DNAJC5B: variants seen among roughly 807,000 people sequenced by gnomAD.
The protein encoded by DNAJC5B is DnaJ heat shock protein family (Hsp40) member C5 beta.
A neutral mutation model predicts 24.7 loss-of-function variants in DNAJC5B; 23 were observed. The observed-to-expected ratio is 0.93, with a 90% CI of 0.67 to 1.32. The LOEUF is 1.32. DNAJC5B is among the 40% of genes most tolerant of loss of function. The pLI, the probability that DNAJC5B is intolerant of heterozygous loss-of-function variation, is 0.00. For synonymous variants in DNAJC5B, 101 were observed against 90.1 expected, an observed-to-expected ratio of 1.12 and a Z score of -0.68; for missense variants, 238 against 240.8, an observed-to-expected ratio of 0.99 and a Z score of 0.08.
At chr8:66,055,760 T>C (rs1284936046) in intron 3 of DNAJC5B, among the ~76,000 whole-genome samples, 1 of 152,046 alleles carries the variant, frequency 6.6e-6, no homozygotes, top group Admixed American at 6.5e-5. Context: ...CTGGCAAACA[T>C]GGGAAACCCC....
intron 2 of DNAJC5B, among the ~76,000 whole-genome samples, chr8:66,045,877 A>G (rs1008881742): frequency 6.6e-6 from 1 of 152,216 alleles, no homozygotes; most frequent in Non-Finnish European, 1.5e-5. Flanking sequence ...TGTGAAAAGC[A>G]TGAATGCTAA....
At chr8:66,071,352 A>C (rs893350948) in intron 3 of DNAJC5B, among the ~76,000 whole-genome samples, 1 of 152,204 alleles carries the variant, frequency 6.6e-6, no homozygotes, top group East Asian at 1.9e-4. Context: ...ACAAATTTAC[A>C]AGAAAAAAAC....
intron 1 of DNAJC5B, among the ~76,000 whole-genome samples, chr8:66,033,646 G>C (rs975027067): frequency 6.6e-6 from 1 of 151,804 alleles, no homozygotes; most frequent in Non-Finnish European, 1.5e-5. Context: ...GAACTGTCTT[G>C]TTTCAGCCTA....
In DNAJC5B at chr8:66,088,864, T is replaced by A. The variant is rs138647622; in HGVS notation, c.505+8316T>A. ...ATTTTGGTCAAAGCCATTCAACAAG[T>A]CTCTAGACAGTTCCAAACTTTCCCA... On this transcript the variant is annotated intron_variant, in intron 5 of 5. Coordinates refer to ENST00000276570, the MANE Select transcript of DNAJC5B (RefSeq NM_033105.6). Among the ~76,000 whole-genome samples the A allele has an allele frequency of 6.4e-3, 971 of 152,242 alleles. 4 individuals carry two copies. Among genetic ancestry groups the A allele is most frequent in the Non-Finnish European group, 0.011 (742 of 68,014 alleles).
intron 3 of DNAJC5B, among the ~76,000 whole-genome samples, chr8:66,070,825 A>C (rs1238652325): frequency 6.6e-6 from 1 of 152,218 alleles, no homozygotes; most frequent in Non-Finnish European, 1.5e-5. Context: ...CAGTAATCAA[A>C]ACAGCATGGT....
intron 5 of DNAJC5B, among the ~76,000 whole-genome samples, chr8:66,087,512 T>C (rs1054328593): frequency 2.6e-5 from 4 of 152,086 alleles, no homozygotes; most frequent in African/African-American, 9.7e-5. Flanking sequence ...CAGCATCAAC[T>C]CAAAAGTCCA....
chr8:66,035,847 C>A (rs1344816805), intron 1 of DNAJC5B, among the ~76,000 whole-genome samples: 1 of 152,190 alleles, frequency 6.6e-6, no homozygotes, highest in Non-Finnish European at 1.5e-5. Context: ...GGAAGGTCGA[C>A]TTTTACCTTT....
chr8:66,069,338 A>T (rs935666335), intron 3 of DNAJC5B, among the ~76,000 whole-genome samples: 1 of 152,140 alleles, frequency 6.6e-6, no homozygotes, highest in African/African-American at 2.4e-5. Context: ...AATATTTAAG[A>T]ATACAGAAAA....
chr8:66,095,398 GCT>G (rs1426847660), intron 5 of DNAJC5B, among the ~76,000 whole-genome samples: 1 of 149,098 alleles, frequency 6.7e-6, no homozygotes, highest in East Asian at 1.9e-4. Flanking sequence ...GGTCATTTCT[GCT>G]TTCTCTCTCT....
chr8:66,096,312 T>C (rs755890328), intron 5 of DNAJC5B, among the ~76,000 whole-genome samples: 1 of 152,172 alleles, frequency 6.6e-6, no homozygotes, highest in Non-Finnish European at 1.5e-5. Flanking sequence ...TTAAAGACCC[T>C]ATCTCCAAAT....
At chr8:66,038,647 T>C (rs890647515) in intron 1 of DNAJC5B, among the ~76,000 whole-genome samples, 4 of 152,238 alleles carry the variant, frequency 2.6e-5, no homozygotes, top group Admixed American at 6.5e-5. Flanking sequence ...ACTTTTGTCC[T>C]GAGCAGGGAA....
intron 3 of DNAJC5B, chr8:66,057,641 T>C (rs1806994880): frequency 6.6e-6 from 1 of 152,150 alleles, no homozygotes; most frequent in Admixed American, 6.5e-5. Flanking sequence ...TAATTAAATT[T>C]CTGAAAACTA....
intron 3 of DNAJC5B, among the ~76,000 whole-genome samples, chr8:66,074,627 CA>C (rs1400756732): frequency 2.6e-5 from 4 of 152,198 alleles, no homozygotes; most frequent in African/African-American, 9.7e-5. Flanking sequence ...GAAATGACAA[CA>C]AATGCCTTTA....
intron 2 of DNAJC5B, among the ~76,000 whole-genome samples, chr8:66,045,808 G>A (rs1806710368): frequency 6.6e-6 from 1 of 152,154 alleles, no homozygotes; most frequent in African/African-American, 2.4e-5. Context: ...CCTCACACAG[G>A]AAAAGATACT....
At chr8:66,032,470 C>A (rs1433874540) in intron 1 of DNAJC5B, among the ~76,000 whole-genome samples, 2 of 152,218 alleles carry the variant, frequency 1.3e-5, no homozygotes, top group African/African-American at 4.8e-5. Context: ...ATATTCACAA[C>A]ATTTCTGTTC....
chr8:66,061,589 TAGAG>T (rs565078426), intron 3 of DNAJC5B, among the ~76,000 whole-genome samples: 138 of 142,882 alleles, frequency 9.7e-4, no homozygotes, highest in Middle Eastern at 3.7e-3. Flanking sequence ...AAAGAATGGA[TAGAG>T]AGAGAGAGAG....
chr8:66,026,818 C>T (rs1489385712), intron 1 of DNAJC5B, among the ~76,000 whole-genome samples: 2 of 152,226 alleles, frequency 1.3e-5, no homozygotes, highest in Non-Finnish European at 2.9e-5. Context: ...GGAGTCAAGT[C>T]CTTGGCACAG....
At position 66,084,031 on chromosome 8, in the gene DNAJC5B, G is replaced by A. The variant is rs149329929; in HGVS notation, c.505+3483G>A. Among the ~76,000 whole-genome samples the A allele has an allele frequency of 2.1e-3, 314 of 152,252 alleles. 1 individual carries two copies. The highest frequency in any genetic ancestry group is 6.8e-3 in the Middle Eastern group (2 of 294). On this transcript the variant is annotated intron_variant, in intron 5 of 5. Transcript: ENST00000276570. ...TCCCTGAGCTGAAGTTTCATTAACTGTGCAGTAAATCCAGCACTGCTCTTG... is the reference window on the plus strand; with the variant it reads ...TCCCTGAGCTGAAGTTTCATTAACTATGCAGTAAATCCAGCACTGCTCTTG...
chr8:66,055,259 T>C (rs1402744495), intron 3 of DNAJC5B, among the ~76,000 whole-genome samples: 1 of 152,248 alleles, frequency 6.6e-6, no homozygotes, highest in East Asian at 1.9e-4. Flanking sequence ...ATTACACATT[T>C]GTATTCTGCA....
Sources: gnomAD v4.1 joint callset for allele counts (sites outside exome capture counted in the v4.1 genomes callset) on GRCh38, gnomAD v4.1.1 for gene constraint, MANE v1.5 for transcripts, NCBI Gene and HGNC (gene_info 2026-07-23, HGNC 2026-07-21) for gene names.